SMC4: variants seen among roughly 807,000 people sequenced by gnomAD.
SMC4 encodes structural maintenance of chromosomes protein 4.
A neutral mutation model predicts 145.6 loss-of-function variants in SMC4; 87 were observed. The observed-to-expected ratio is 0.60, with a 90% CI of 0.50 to 0.71. The LOEUF is 0.71. Ranked by LOEUF, SMC4 falls within the 30% of genes least tolerant of loss-of-function variation. The probability of loss-of-function intolerance (pLI) is 0.00; values close to 1 mark genes in which losing one functional copy is unlikely to be tolerated. For missense variants in SMC4, 1,447 were observed against 1,537.1 expected, an observed-to-expected ratio of 0.94 and a Z score of 0.98; for synonymous variants, 558 against 500.7, an observed-to-expected ratio of 1.11 and a Z score of -1.53.
chr3:160,411,030 A>G (rs1216873071), intron 5 of SMC4, among the ~76,000 whole-genome samples: 1 of 152,196 alleles, frequency 6.6e-6, no homozygotes, highest in Non-Finnish European at 1.5e-5. Flanking sequence ...TGGCCTGAAC[A>G]TACTCAGACA....
Position 160,434,896 on chromosome 3 carries a change from G to A in SMC4, c.*1087G>A, listed in dbSNP as rs1282215112. 8.6e-5 allele frequency: 13 copies of A among 152,044 alleles called. No individual in the cohort carries two copies. The highest frequency in any genetic ancestry group is 8.5e-4 in the Admixed American group (13 of 15,266). The allele number at this position is 152,044 out of a possible 1,614,324, so 9.4% of individuals were successfully genotyped here. A position where few individuals can be genotyped will look rare whatever the true frequency, so the allele number is the denominator to read the frequency against. ...CAACAGTTTCTATCATAATGTAACT[G>A]TAAAAATGTAAACACATTATTAGCA... On this transcript the variant is annotated 3_prime_UTR_variant, in exon 24 of 24. Transcript: ENST00000357388.
chr3:160,433,824 ATTC>A lies in SMC4; in HGVS notation c.*19_*21del, dbSNP rs774438429. On this transcript the variant is annotated 3_prime_UTR_variant, in exon 24 of 24. Coordinates refer to ENST00000357388, the MANE Select transcript of SMC4 (RefSeq NM_001002800.3). ...GACTTTGTTGAACTTTATGCTGAAG[ATTC>A]TTCAAGTTGATTCAGTGTATTACTG... 1.1e-5 allele frequency: 18 copies of A among 1,589,504 alleles called. No homozygotes were observed. In the African/African-American group the frequency reaches 1.5e-4, roughly 13 times the overall value.
intron 5 of SMC4, among the ~76,000 whole-genome samples, chr3:160,411,515 A>G (rs577430761): frequency 1.3e-5 from 2 of 152,312 alleles, no homozygotes; most frequent in Admixed American, 1.3e-4. Context: ...AGGAGCTTCA[A>G]TTGTGTTATT....
intron 19 of SMC4, 131 bp downstream of exon 19, chr3:160,430,874 T>G (rs1160433802): frequency 1.0e-5 from 13 of 1,248,806 alleles, no homozygotes; most frequent in African/African-American, 1.5e-5. Context: ...CAATTTTTAT[T>G]TGTACAATAA....
At chr3:160,426,614 T>A (rs746959045) in intron 17 of SMC4, among the ~76,000 whole-genome samples, 1 of 151,170 alleles carries the variant, frequency 6.6e-6, no homozygotes, top group African/African-American at 2.4e-5. Context: ...TATATATGTA[T>A]TTTTTTTCTT....
chr3:160,417,147 T>C (rs1716673845), intron 10 of SMC4, among the ~76,000 whole-genome samples: 2 of 152,310 alleles, frequency 1.3e-5, no homozygotes, highest in South Asian at 2.1e-4. Context: ...ATAATGGTAA[T>C]TGACTGCATT....
At position 160,420,722 on chromosome 3, in the gene SMC4, C is replaced by T; in HGVS notation, c.1858-18C>T. The T allele has an allele frequency of 1.9e-6, 3 of 1,604,774 alleles. No individual in the cohort carries two copies. Among genetic ancestry groups the T allele is most frequent in the Non-Finnish European group, 2.5e-6 (3 of 1,177,438 alleles). ...CTTTTCTGCCTAACTCTTTTTTCAC[C>T]CCACTCTTCATTATTAGGGGGACTT... On this transcript the variant is annotated intron_variant, in intron 12 of 23. Coordinates refer to ENST00000357388, the MANE Select transcript of SMC4 (RefSeq NM_001002800.3).
At chr3:160,418,739 A>T (rs1716848763) in intron 11 of SMC4, among the ~76,000 whole-genome samples, 1 of 152,122 alleles carries the variant, frequency 6.6e-6, no homozygotes, top group African/African-American at 2.4e-5. Context: ...ACATAATTTA[A>T]ATCTAGTGGA....
chr3:160,426,031 A>C (rs901569075), intron 16 of SMC4, 43 bp from the exon 17 acceptor site: 12 of 1,467,704 alleles, frequency 8.2e-6, no homozygotes, highest in East Asian at 7.0e-5. Flanking sequence ...TGTTTAAAGC[A>C]AATGTTAAAA....
chr3:160,407,539 C>A (rs1440652003), intron 5 of SMC4, among the ~76,000 whole-genome samples: 2 of 151,642 alleles, frequency 1.3e-5, no homozygotes, highest in African/African-American at 2.4e-5. Context: ...GGTGACAGAC[C>A]TTGTCTCTAA....
chr3:160,425,022 A>ATGTGTGTGTGTGTGTGTGTGTGTG lies in SMC4; in HGVS notation c.2478+11_2478+34dup, dbSNP rs66870368. On this transcript the variant is annotated splice_donor_region_variant and intron_variant, in intron 16 of 23. Coordinates refer to ENST00000357388, the MANE Select transcript of SMC4 (RefSeq NM_001002800.3). ...AAAAATTTACTGCAAGCATCCAGGT[A>ATGTGTGTGTGTGTGTGTGTGTGTG]TGTGTGTGTGTGTGTGTGTGTGTGT... 5.5e-4 allele frequency: 807 copies of ATGTGTGTGTGTGTGTGTGTGTGTG among 1,469,320 alleles called. 24 individuals carry two copies. The highest frequency in any genetic ancestry group is 1.3e-3 in the African/African-American group (89 of 68,574). 91.0% of individuals were successfully genotyped at this position (1,469,320 alleles called of 1,614,324 possible). A position where few individuals can be genotyped will look rare whatever the true frequency, so the allele number is the denominator to read the frequency against.
chr3:160,430,940 TGAG>T (rs1718336728), intron 19 of SMC4, 89 bp from the exon 20 acceptor site: 5 of 1,322,986 alleles, frequency 3.8e-6, no homozygotes, highest in Non-Finnish European at 5.2e-6. Context: ...GGAAGGGGCA[TGAG>T]GAGAGATTGG....
intron 17 of SMC4, among the ~76,000 whole-genome samples, chr3:160,427,952 AACAC>A (rs757783653): frequency 6.7e-5 from 10 of 149,866 alleles, no homozygotes; most frequent in East Asian, 1.9e-4. Context: ...CACACACACA[AACAC>A]ACACACACGC....
At chr3:160,402,204 T>C in intron 3 of SMC4, 111 bp downstream of exon 3, 1 of 605,230 alleles carries the variant, frequency 1.7e-6, no homozygotes, top group Non-Finnish European at 2.7e-6. Context: ...ATTCACTCCC[T>C]ATTTATCCTG....
At chr3:160,412,794 T>C (rs1716152195) in intron 7 of SMC4, 8 of 920,186 alleles carry the variant, frequency 8.7e-6, no homozygotes, top group Non-Finnish European at 1.0e-5. Flanking sequence ...ATTTATTAAA[T>C]TAGGCATATT....
intron 3 of SMC4, 39 bp from the exon 4 acceptor site, chr3:160,402,637 T>C: frequency 1.3e-6 from 2 of 1,581,492 alleles, no homozygotes; most frequent in South Asian, 2.4e-5. Context: ...CATGACCTTA[T>C]GAACTTTTCC....
intron 17 of SMC4, 59 bp downstream of exon 17, chr3:160,426,259 C>G: frequency 7.8e-7 from 1 of 1,278,368 alleles, no homozygotes; most frequent in Non-Finnish European, 1.1e-6. Flanking sequence ...TTAAAGCTTG[C>G]AATATTTAAG....
intron 13 of SMC4, among the ~76,000 whole-genome samples, chr3:160,421,889 A>G (rs574026222): frequency 3.9e-5 from 6 of 152,274 alleles, no homozygotes; most frequent in Non-Finnish European, 5.9e-5. Context: ...GTCGCTCCCT[A>G]TACCCCTTCA....
intron 17 of SMC4, among the ~76,000 whole-genome samples, chr3:160,427,930 T>TACAC (rs986477070): frequency 6.6e-6 from 1 of 151,850 alleles, no homozygotes; most frequent in Non-Finnish European, 1.5e-5. Context: ...CTTTGAAAAA[T>TACAC]ACACACGCAC....
Sources: gnomAD v4.1 joint callset for allele counts (sites outside exome capture counted in the v4.1 genomes callset) on GRCh38, gnomAD v4.1.1 for gene constraint, MANE v1.5 for transcripts, NCBI Gene and HGNC (gene_info 2026-07-23, HGNC 2026-07-21) for gene names.